Variants in CALN1 observed in about 807,000 individuals in gnomAD.
CALN1 encodes calcium-binding protein 8.
CALN1 carries 17 observed loss-of-function variants against 30.6 expected under a neutral mutation model. The observed-to-expected ratio is 0.56, with a 90% CI of 0.38 to 0.83. The LOEUF (loss-of-function observed/expected upper bound fraction) is 0.83, where lower values mean the gene tolerates loss of function less well. Ranked by LOEUF, CALN1 falls within the 40% of genes least tolerant of loss-of-function variation. The pLI, the probability that CALN1 is intolerant of heterozygous loss-of-function variation, is 0.00. For synonymous variants in CALN1, 156 were observed against 131.4 expected, an observed-to-expected ratio of 1.19 and a Z score of -1.28; for missense variants, 291 against 354.9, an observed-to-expected ratio of 0.82 and a Z score of 1.45.
chr7:72,205,223 G>C (rs1280405498), intron 3 of CALN1, among the ~76,000 whole-genome samples: 1 of 151,280 alleles, frequency 6.6e-6, no homozygotes, highest in Non-Finnish European at 1.5e-5. Context: ...TTGTTTTTGA[G>C]ATAGAGTCTT....
At chr7:72,220,004 A>C (rs905532055) in intron 3 of CALN1, among the ~76,000 whole-genome samples, 1 of 140,612 alleles carries the variant, frequency 7.1e-6, no homozygotes, top group African/African-American at 2.7e-5. Context: ...TATTTGAAGC[A>C]ACCAAATTGG....
intron 3 of CALN1, among the ~76,000 whole-genome samples, chr7:72,194,357 CCT>C (rs1790835581): frequency 6.6e-6 from 1 of 151,908 alleles, no homozygotes; most frequent in East Asian, 2.0e-4. Flanking sequence ...ACGGTGAAAC[CCT>C]GTGTCTACTA....
intron 2 of CALN1, among the ~76,000 whole-genome samples, chr7:72,316,741 C>G (rs1357749710): frequency 1.3e-5 from 2 of 151,916 alleles, no homozygotes; most frequent in Admixed American, 6.6e-5. Flanking sequence ...TCCAGGAGTT[C>G]AAGACCAACC....
chr7:71,800,005 G>A (rs1393169154), intron 6 of CALN1, among the ~76,000 whole-genome samples: 5 of 152,202 alleles, frequency 3.3e-5, no homozygotes, highest in Admixed American at 3.3e-4. Context: ...AACAGATGGT[G>A]TTGATGACAT....
intron 3 of CALN1, among the ~76,000 whole-genome samples, chr7:72,168,811 T>TA (rs1187335404): frequency 1.8e-3 from 237 of 129,058 alleles, no homozygotes; most frequent in East Asian, 5.8e-3. Context: ...TATTATTTTT[T>TA]TTTTTTTTTT....
intron 4 of CALN1, among the ~76,000 whole-genome samples, chr7:72,044,599 CTTTTTTTTTTTTT>C (rs549079139): frequency 1.2e-4 from 12 of 96,680 alleles, no homozygotes; most frequent in African/African-American, 2.0e-4. Flanking sequence ...CCGCTTAAAA[CTTTTTTTTTTTTT>C]TTTTTTTTTT....
chr7:72,343,759 C>G (rs1011278331), intron 2 of CALN1, among the ~76,000 whole-genome samples: 7 of 152,154 alleles, frequency 4.6e-5, no homozygotes, highest in Non-Finnish European at 1.5e-5. Flanking sequence ...CCAGGGTTTG[C>G]TGAGTTAGAA....
At chr7:72,190,730 T>C (rs954001684) in intron 3 of CALN1, among the ~76,000 whole-genome samples, 7 of 152,254 alleles carry the variant, frequency 4.6e-5, no homozygotes, top group African/African-American at 1.7e-4. Context: ...TTAGCTGGCA[T>C]TTTATCAGAT....
At position 71,877,136 on chromosome 7, in the gene CALN1, C is replaced by T. The variant is rs369889390; in HGVS notation, c.502-66644G>A. 7.2e-5 allele frequency among the ~76,000 whole-genome samples: 11 copies of T among 152,000 alleles called. No individual in the cohort carries two copies. The South Asian group carries it at 1.0e-3, about 14-fold the overall frequency. On this transcript the variant is annotated intron_variant, in intron 5 of 6. Coordinates refer to ENST00000395275, the MANE Select transcript of CALN1 (RefSeq NM_031468.4). Reference sequence around the variant, plus strand: ...AAAAAACCATATAAATATCAATAGACGCTGGAAAGACATATGGTAAAAATC... The same window carrying T: ...AAAAAACCATATAAATATCAATAGATGCTGGAAAGACATATGGTAAAAATC...
At chr7:72,153,689 TAAAAAGA>T (rs140757860) in intron 3 of CALN1, among the ~76,000 whole-genome samples, 156 of 151,510 alleles carry the variant, frequency 1.0e-3, no homozygotes, top group African/African-American at 3.4e-3. Context: ...TCTAAAAAAA[TAAAAAGA>T]AAAAAGAAAA....
At chr7:72,027,760 A>AC (rs1562989331) in intron 4 of CALN1, among the ~76,000 whole-genome samples, 7 of 141,432 alleles carry the variant, frequency 4.9e-5, no homozygotes, top group East Asian at 2.2e-4. Context: ...CACACACACA[A>AC]AAACACATGA....
chr7:71,933,248 A>G (rs949171784), intron 5 of CALN1, among the ~76,000 whole-genome samples: 6 of 152,172 alleles, frequency 3.9e-5, no homozygotes, highest in South Asian at 2.1e-4. Context: ...CATTTGCATA[A>G]TAAGAGTAGG....
At chr7:71,990,194 C>G (rs1186753392) in intron 5 of CALN1, among the ~76,000 whole-genome samples, 1 of 152,122 alleles carries the variant, frequency 6.6e-6, no homozygotes, top group East Asian at 1.9e-4. Context: ...CCTGGTCGTC[C>G]TCACTGCTCA....
chr7:72,088,715 AAAAG>A (rs1805647385), intron 4 of CALN1, among the ~76,000 whole-genome samples: 1 of 150,782 alleles, frequency 6.6e-6, no homozygotes, highest in South Asian at 2.1e-4. Flanking sequence ...AAAAAAAAAA[AAAAG>A]AAAGAAGAAA....
At chr7:72,101,379 A>G (rs1806654458) in intron 4 of CALN1, among the ~76,000 whole-genome samples, 1 of 152,196 alleles carries the variant, frequency 6.6e-6, no homozygotes, top group Non-Finnish European at 1.5e-5. Flanking sequence ...TCTCTGAAAT[A>G]ATGATGGAAG....
At chr7:71,789,041 C>G (rs1433657042) in intron 6 of CALN1, among the ~76,000 whole-genome samples, 1 of 152,044 alleles carries the variant, frequency 6.6e-6, no homozygotes, top group Non-Finnish European at 1.5e-5. Context: ...GAGCTCAAGC[C>G]ACCCTCCTGC....
chr7:72,094,888 C>A (rs1196112515), intron 4 of CALN1, among the ~76,000 whole-genome samples: 1 of 152,124 alleles, frequency 6.6e-6, no homozygotes, highest in Non-Finnish European at 1.5e-5. Context: ...TTCGCCCAAC[C>A]AAAGGTAACC....
chr7:71,820,557 G>T (rs981491390), intron 5 of CALN1, among the ~76,000 whole-genome samples: 3 of 152,182 alleles, frequency 2.0e-5, no homozygotes, highest in African/African-American at 7.2e-5. Context: ...ACATAAAGTA[G>T]AAGCAGCCCA....
chr7:72,068,434 T>C (rs1197219946), intron 4 of CALN1, among the ~76,000 whole-genome samples: 2 of 152,178 alleles, frequency 1.3e-5, no homozygotes, highest in African/African-American at 4.8e-5. Flanking sequence ...AAATCCTGGA[T>C]TGTAATCATG....
Sources: allele counts gnomAD v4.1 joint callset (sites outside exome capture counted in the v4.1 genomes callset), GRCh38; gene constraint gnomAD v4.1.1; transcripts MANE v1.5; gene names NCBI Gene and HGNC (gene_info 2026-07-23, HGNC 2026-07-21).